Variants in NSFL1C observed in about 807,000 individuals in gnomAD.
NSFL1C encodes NSFL1 cofactor p47.
Under a neutral mutation model 43.1 loss-of-function variants are expected in NSFL1C, and 14 were observed. The ratio of observed to expected loss-of-function variants is 0.32; its 90% CI spans 0.21 to 0.51. The LOEUF is 0.51. Among genes scored for constraint, NSFL1C ranks in the 20% least tolerant of loss-of-function variants. NSFL1C has a pLI of 0.98. For synonymous variants in NSFL1C, 171 were observed against 183.5 expected (o/e 0.93, Z 0.55); for missense variants, 406 against 472.5 (o/e 0.86, Z 1.30).
intron 8 of NSFL1C, among the ~76,000 whole-genome samples, chr20:1,444,685 T>A (rs1188703650): frequency 6.6e-6 from 1 of 152,242 alleles, no homozygotes; most frequent in Non-Finnish European, 1.5e-5. Context: ...CTGTGACTTT[T>A]AGCAAACCAA....
intron 3 of NSFL1C, among the ~76,000 whole-genome samples, chr20:1,457,384 T>C (rs1379413938): frequency 6.6e-6 from 1 of 152,250 alleles, no homozygotes; most frequent in African/African-American, 2.4e-5. Context: ...ATGAAGTGGA[T>C]TAAATCAAGC....
rs1454830372 is a variant in NSFL1C, at chr20:1,442,754, C to G, written c.*995G>C. ...GTGACACTCACTTCCAAAACATACC[C>G]AGCAGAAGCCTCCTGCAAGTACCAA... is the stretch of plus-strand genomic sequence containing the variant. On this transcript the variant is annotated 3_prime_UTR_variant, in exon 9 of 9. Transcript: ENST00000216879. The G allele has an allele frequency of 6.6e-6, 1 of 152,222 alleles. No individual in the cohort carries two copies. Among genetic ancestry groups the G allele is most frequent in the African/African-American group, 2.4e-5 (1 of 41,460 alleles). The allele number at this position is 152,222 out of a possible 1,614,324, so 9.4% of individuals were successfully genotyped here.
chr20:1,452,213 T>G (rs2090195408), intron 7 of NSFL1C, among the ~76,000 whole-genome samples: 1 of 152,146 alleles, frequency 6.6e-6, no homozygotes, highest in South Asian at 2.1e-4. Flanking sequence ...CTTGCAACAA[T>G]AATCCTAGGA....
chr20:1,449,395 G>C (rs547737524), intron 7 of NSFL1C, among the ~76,000 whole-genome samples: 25 of 152,326 alleles, frequency 1.6e-4, no homozygotes, highest in Non-Finnish European at 2.8e-4. Flanking sequence ...GGAGGATGGG[G>C]AGTGGAAGAG....
At chr20:1,452,894 T>G (rs1290048066) in intron 6 of NSFL1C, 137 bp downstream of exon 6, 2 of 722,300 alleles carry the variant, frequency 2.8e-6, no homozygotes, top group Non-Finnish European at 4.8e-6. Flanking sequence ...TTGGAGCAGA[T>G]CTATGAATCC....
At chr20:1,449,392 G>A in intron 7 of NSFL1C, among the ~76,000 whole-genome samples, 1 of 152,184 alleles carries the variant, frequency 6.6e-6, no homozygotes, top group Admixed American at 6.5e-5. Flanking sequence ...CAAGGAGGAT[G>A]GGGAGTGGAA....
intron 6 of NSFL1C, 81 bp downstream of exon 6, chr20:1,452,950 A>G: frequency 1.2e-6 from 1 of 832,372 alleles, no homozygotes; most frequent in Non-Finnish European, 2.1e-6. Flanking sequence ...TACTCCTCAA[A>G]TAATAAACAT....
chr20:1,448,829 C>T (rs896170737), intron 7 of NSFL1C, among the ~76,000 whole-genome samples: 1 of 152,142 alleles, frequency 6.6e-6, no homozygotes, highest in Non-Finnish European at 1.5e-5. Context: ...GTATACAATC[C>T]GAGCTATTTG....
At position 1,455,844 on chromosome 20, in the gene NSFL1C, C is replaced by T. The variant is rs535124698; in HGVS notation, c.279-712G>A. 6 of 741,370 alleles carry T rather than the reference C, an allele frequency of 8.1e-6. No homozygotes were observed. In the African/African-American group the frequency reaches 8.5e-5, roughly 11 times the overall value. 45.9% of individuals were successfully genotyped at this position (741,370 alleles called of 1,614,324 possible). A position where few individuals can be genotyped will look rare whatever the true frequency, so the allele number is the denominator to read the frequency against. On this transcript the variant is annotated intron_variant, in intron 3 of 8. Transcript: ENST00000216879. ...CTCCCCCAAGCCTCACCTCACCTTG[C>T]CATTCATGTGACACACACTGTGGCC...
chr20:1,466,526 GGGC>G (rs1303211270), intron 1 of NSFL1C, among the ~76,000 whole-genome samples, 191 bp downstream of exon 1: 2 of 152,216 alleles, frequency 1.3e-5, no homozygotes, highest in Non-Finnish European at 2.9e-5. Flanking sequence ...GAACTGGCTG[GGGC>G]TGGCCCGCGT....
intron 3 of NSFL1C, 21 bp downstream of exon 3, chr20:1,458,179 G>A (rs2122921662): frequency 6.2e-7 from 1 of 1,601,122 alleles, no homozygotes; most frequent in Non-Finnish European, 8.6e-7. Context: ...CTGTCCCCCT[G>A]ACCCCCTCTA....
intron 7 of NSFL1C, 58 bp downstream of exon 7, chr20:1,452,435 T>C (rs1252774833): frequency 6.3e-7 from 1 of 1,594,022 alleles, no homozygotes; most frequent in Non-Finnish European, 8.6e-7. Flanking sequence ...ACACAGGGTC[T>C]GCTGGGCTTG....
Position 1,455,045 on chromosome 20 carries a change from G to A in NSFL1C, c.366C>T (p.Leu122=), listed in dbSNP as rs1424786059. Residue 122 remains leucine (L), a synonymous_variant, in exon 4 of 9, where the codon CTC becomes CTT. Coordinates refer to ENST00000216879, the MANE Select transcript of NSFL1C (RefSeq NM_016143.5). The part of the protein sequence containing the change: ...KKSPNELVDD[L]FKGAKEHGAV... ...CTCCATGCTCTTTGGCACCTTTAAA[G>A]AGATCATCCACCAGCTCGTTGGGAC... 1 of 1,614,128 alleles carries A rather than the reference G, an allele frequency of 6.2e-7. No individual in the cohort carries two copies. Among genetic ancestry groups the A allele is most frequent in the Non-Finnish European group, 8.5e-7 (1 of 1,180,014 alleles).
At chr20:1,450,559 A>G (rs1034154761) in intron 7 of NSFL1C, among the ~76,000 whole-genome samples, 1 of 152,244 alleles carries the variant, frequency 6.6e-6, no homozygotes, top group South Asian at 2.1e-4. Context: ...ATATGGTTAG[A>G]CTTTCCAATA....
chr20:1,448,874 C>T (rs182354358), intron 7 of NSFL1C, among the ~76,000 whole-genome samples: 127 of 152,314 alleles, frequency 8.3e-4, no homozygotes, highest in Non-Finnish European at 1.4e-3. Flanking sequence ...CTGTCCCACT[C>T]TCCTGTTGGG....
At chr20:1,444,961 A>G (rs1366341494) in intron 8 of NSFL1C, among the ~76,000 whole-genome samples, 1 of 152,218 alleles carries the variant, frequency 6.6e-6, no homozygotes, top group African/African-American at 2.4e-5. Flanking sequence ...ACGACTGACA[A>G]ACAATTCACT....
At position 1,443,197 on chromosome 20, in the gene NSFL1C, T is replaced by C. The variant is rs190902224; in HGVS notation, c.*552A>G. On this transcript the variant is annotated 3_prime_UTR_variant, in exon 9 of 9. Transcript: ENST00000216879. ...ATTTTCACCTTCTGAAGACACTGTG[T>C]GCATGGAGCTCTGACTTCCCACTTC... 270 of 153,230 alleles carry C rather than the reference T, an allele frequency of 1.8e-3. No individual in the cohort carries two copies. Among genetic ancestry groups the C allele is most frequent in the Admixed American group, 3.5e-3 (54 of 15,414 alleles). The allele number at this position is 153,230 out of a possible 1,614,324, so 9.5% of individuals were successfully genotyped here.
chr20:1,457,014 A>C (rs1160671181), intron 3 of NSFL1C: 1 of 152,358 alleles, frequency 6.6e-6, no homozygotes, highest in East Asian at 1.9e-4. Flanking sequence ...CCAGAATATC[A>C]ACCGTAGTTA....
intron 3 of NSFL1C, among the ~76,000 whole-genome samples, chr20:1,457,671 A>G (rs2090330298): frequency 6.6e-6 from 1 of 152,192 alleles, no homozygotes; most frequent in African/African-American, 2.4e-5. Flanking sequence ...ATTCCACACG[A>G]GAGCATGCTT....
Sources: gnomAD v4.1 joint callset for allele counts (sites outside exome capture counted in the v4.1 genomes callset) on GRCh38, gnomAD v4.1.1 for gene constraint, MANE v1.5 for transcripts, NCBI Gene and HGNC (gene_info 2026-07-23, HGNC 2026-07-21) for gene names.